GNB1L: variants seen among roughly 807,000 people sequenced by gnomAD.
The protein encoded by GNB1L is guanine nucleotide-binding protein subunit beta-like protein 1.
GNB1L carries 20 observed loss-of-function variants against 29.1 expected under a neutral mutation model. The observed-to-expected ratio is 0.69, with a 90% CI of 0.48 to 1.00. The LOEUF is 1.00. GNB1L is among the 50% of genes least tolerant of loss of function. GNB1L has a pLI of 0.00. For synonymous variants in GNB1L, 193 were observed against 206.5 expected, an observed-to-expected ratio of 0.93 and a Z score of 0.56; for missense variants, 421 against 464.9, an observed-to-expected ratio of 0.91 and a Z score of 0.87.
chr22:19,831,056 A>G (rs149462931), intron 2 of GNB1L, among the ~76,000 whole-genome samples: 123 of 152,352 alleles, frequency 8.1e-4, no homozygotes, highest in Non-Finnish European at 1.5e-3. Context: ...GAAGAACTGC[A>G]TTATTAACAT....
intron 2 of GNB1L, chr22:19,850,281 C>T: frequency 4.1e-6 from 4 of 983,210 alleles, no homozygotes; most frequent in Non-Finnish European, 4.8e-6. Context: ...GTGTACCAGG[C>T]CACAGAGCTG....
chr22:19,796,004 G>A (rs559622546), intron 7 of GNB1L, among the ~76,000 whole-genome samples: 3 of 152,338 alleles, frequency 2.0e-5, no homozygotes, highest in Admixed American at 1.3e-4. Context: ...TGTGAGAACT[G>A]GCTCCATAAG....
chr22:19,807,818 G>T (rs1937453636), intron 5 of GNB1L, among the ~76,000 whole-genome samples: 1 of 152,150 alleles, frequency 6.6e-6, no homozygotes, highest in Admixed American at 6.5e-5. Flanking sequence ...TGGGTGAGAA[G>T]CTTGCTGCCC....
At chr22:19,832,336 C>G (rs1311470434) in intron 2 of GNB1L, among the ~76,000 whole-genome samples, 1 of 152,052 alleles carries the variant, frequency 6.6e-6, no homozygotes, top group Non-Finnish European at 1.5e-5. Context: ...TCCCACCCCC[C>G]AAAAAATCCC....
intron 2 of GNB1L, chr22:19,850,198 CAA>C (rs1938061377): frequency 1.0e-6 from 1 of 985,682 alleles, no homozygotes; most frequent in Non-Finnish European, 1.2e-6. Context: ...GAATGGGAAA[CAA>C]AGACTTGCTG....
chr22:19,850,284 C>G, intron 2 of GNB1L: 1 of 983,748 alleles, frequency 1.0e-6, no homozygotes. Flanking sequence ...TACCAGGCCA[C>G]AGAGCTGACT....
intron 2 of GNB1L, among the ~76,000 whole-genome samples, chr22:19,837,355 A>G (rs1937784053): frequency 6.6e-6 from 1 of 152,254 alleles, no homozygotes; most frequent in Non-Finnish European, 1.5e-5. Context: ...TAATTTATAT[A>G]CCAAATATAT....
intron 2 of GNB1L, among the ~76,000 whole-genome samples, chr22:19,823,663 G>A (rs1010088207): frequency 6.6e-6 from 1 of 152,178 alleles, no homozygotes; most frequent in African/African-American, 2.4e-5. Context: ...AGGCTCCCCT[G>A]TGCAGTCCAG....
chr22:19,821,407 G>C lies in GNB1L; in HGVS notation c.-20-32C>G, dbSNP rs747454548. 8 of 1,597,200 alleles carry C rather than the reference G, an allele frequency of 5.0e-6. No individual in the cohort carries two copies. The South Asian group carries it at 8.9e-5, about 18-fold the overall frequency. On this transcript the variant is annotated intron_variant, in intron 2 of 7. Coordinates refer to ENST00000329517, the MANE Select transcript of GNB1L (RefSeq NM_053004.3). ...ACCAAGGGAGGGCGTGTGAGTGACT[G>C]CGTCCCTATTCTCACCCTCTAGGAA...
intron 5 of GNB1L, among the ~76,000 whole-genome samples, chr22:19,809,241 A>G (rs985672825): frequency 7.9e-5 from 12 of 151,790 alleles, no homozygotes; most frequent in Non-Finnish European, 8.8e-5. Flanking sequence ...GGAAGAGCAC[A>G]CCGACAGAGG....
At chr22:19,840,492 C>G (rs1937840993) in intron 2 of GNB1L, among the ~76,000 whole-genome samples, 2 of 152,182 alleles carry the variant, frequency 1.3e-5, no homozygotes, top group East Asian at 3.9e-4. Flanking sequence ...TCATGCTGAC[C>G]ACACGTCCCA....
At position 19,848,625 on chromosome 22, in the gene GNB1L, C is replaced by A. The variant is rs7288631; in HGVS notation, c.-21+5818G>T. Reference sequence around the variant, plus strand: ...GAGCCCAACCACAATAAACAGGACGCGTTTTAATTAAAAACCAGGTCACCT... The same window carrying A: ...GAGCCCAACCACAATAAACAGGACGAGTTTTAATTAAAAACCAGGTCACCT... On this transcript the variant is annotated intron_variant, in intron 2 of 7. Coordinates refer to ENST00000329517, the MANE Select transcript of GNB1L (RefSeq NM_053004.3). The A allele has an allele frequency of 1.2e-5, 12 of 985,154 alleles. No homozygotes were observed. In the African/African-American group the frequency reaches 1.2e-4, roughly 10 times the overall value. 61.0% of individuals were successfully genotyped at this position (985,154 alleles called of 1,614,324 possible).
intron 2 of GNB1L, among the ~76,000 whole-genome samples, chr22:19,840,174 A>G (rs1266595764): frequency 6.6e-6 from 1 of 152,212 alleles, no homozygotes. Context: ...ACCATGGGTA[A>G]CTGAAACCTC....
chr22:19,803,623 C>T (rs1374764220), intron 6 of GNB1L, among the ~76,000 whole-genome samples: 1 of 152,222 alleles, frequency 6.6e-6, no homozygotes, highest in African/African-American at 2.4e-5. Context: ...AACATGGGCA[C>T]CATGCCTTCT....
intron 2 of GNB1L, among the ~76,000 whole-genome samples, chr22:19,843,073 C>A (rs377533439): frequency 6.6e-6 from 1 of 152,234 alleles, no homozygotes; most frequent in Non-Finnish European, 1.5e-5. Context: ...TTTGAAGCCT[C>A]GCTGAGTGAT....
At position 19,809,195 on chromosome 22, in the gene GNB1L, TGGACGTTGAGA is replaced by T. The variant is rs1047492839; in HGVS notation, c.418-2449_418-2439del. ...CATAGCAAGCAGAGACACAAGTGGC[TGGACGTTGAGA>T]GGACGTTGAGGGGAGCACGGTGGTG... On this transcript the variant is annotated intron_variant, in intron 5 of 7. Coordinates refer to ENST00000329517, the MANE Select transcript of GNB1L (RefSeq NM_053004.3). Among the ~76,000 whole-genome samples the T allele has an allele frequency of 7.3e-5, 11 of 151,440 alleles. No homozygotes were observed. In the Middle Eastern group the frequency reaches 0.01, roughly 140 times the overall value.
intron 2 of GNB1L, chr22:19,852,025 C>T (rs914055914): frequency 1.2e-6 from 2 of 1,614,192 alleles, no homozygotes; most frequent in Non-Finnish European, 8.5e-7. Context: ...CTAGGGGACC[C>T]CTTTCTGCAG....
intron 5 of GNB1L, among the ~76,000 whole-genome samples, chr22:19,810,443 G>A (rs1444303686): frequency 6.6e-6 from 1 of 152,168 alleles, no homozygotes; most frequent in African/African-American, 2.4e-5. Context: ...CACTCTGGGC[G>A]CTGCAGGAGG....
intron 2 of GNB1L, chr22:19,849,987 C>T (rs555829269): frequency 1.0e-6 from 1 of 985,522 alleles, no homozygotes; most frequent in East Asian, 1.1e-4. Flanking sequence ...GGGCCTGGGG[C>T]CTCACAGCTC....
Sources: gnomAD v4.1 joint callset for allele counts (sites outside exome capture counted in the v4.1 genomes callset) on GRCh38, gnomAD v4.1.1 for gene constraint, MANE v1.5 for transcripts, NCBI Gene and HGNC (gene_info 2026-07-23, HGNC 2026-07-21) for gene names.